Variants in C10orf71 observed in about 807,000 individuals in gnomAD.
C10orf71 encodes chromosome 10 open reading frame 71, also known as cardiac-enriched FHL2-interacting protein.
For synonymous variants in C10orf71, 758 were observed against 726.3 expected (o/e 1.04, Z -0.70); for missense variants, 1,869 against 1,804.5 (o/e 1.04, Z -0.65).
rs1297105486 is a variant in C10orf71 at position 49,325,804 on chromosome 10, G to A, written c.3259G>A (p.Glu1087Lys). ...GTCTTCCCAGGCCCCTGGAGGACCA[G>A]AGCTGCTTCCCGAGGAGCCTAATCA... is the stretch of plus-strand genomic sequence containing the variant. Reference protein sequence around the residue: ...EESSQAPGGPELLPEEPNQAS... With the variant: ...EESSQAPGGPKLLPEEPNQAS... The change falls in exon 3 of 3, where the codon GAG (glutamate) becomes AAG (lysine). Residue 1087 changes from glutamate (E) to lysine (K), a missense_variant. Glu to Lys is a moderately conservative substitution (Grantham distance 56, BLOSUM62 1). Coordinates refer to ENST00000374144, the MANE Select transcript of C10orf71 (RefSeq NM_001135196.2). The A allele has an allele frequency of 2.6e-6, 4 of 1,551,388 alleles. No individual in the cohort carries two copies. The highest frequency in any genetic ancestry group is 1.7e-4 in the Middle Eastern group (1 of 6,014).
intron 1 of C10orf71, among the ~76,000 whole-genome samples, chr10:49,307,874 T>C (rs1472051215): frequency 6.6e-6 from 1 of 152,082 alleles, no homozygotes; most frequent in Non-Finnish European, 1.5e-5. Context: ...GCCATAAGGG[T>C]CCCTCCCTGG....
intron 1 of C10orf71, among the ~76,000 whole-genome samples, chr10:49,307,471 C>G (rs903994482): frequency 6.6e-6 from 1 of 152,256 alleles, no homozygotes; most frequent in Non-Finnish European, 1.5e-5. Context: ...CCATAATGCT[C>G]CACCTCCAGA....
In C10orf71 at chr10:49,326,800, G is replaced by A; in HGVS notation, c.4255G>A (p.Gly1419Ser). The A allele has an allele frequency of 6.5e-7, 1 of 1,549,544 alleles. No individual in the cohort carries two copies. The part of the protein sequence containing the change: ...GEEGVEAPGL[G>S]IISTDDLEDF... ...GGAGGGTGTAGAAGCTCCAGGCCTG[G>A]GCATCATCTCCACTGATGACCTAGA... The change falls in exon 3 of 3, where the codon GGC (glycine) becomes AGC (serine). Residue 1419 changes from glycine to serine, a missense_variant. Physicochemically the swap from Gly to Ser is moderately conservative, Grantham distance 56 (BLOSUM62 0). Transcript: ENST00000374144.
chr10:49,324,694 G>T lies in C10orf71; in HGVS notation c.2149G>T (p.Asp717Tyr). The T allele has an allele frequency of 6.2e-7, 1 of 1,607,136 alleles. No individual in the cohort carries two copies. Among genetic ancestry groups the T allele is most frequent in the South Asian group, 1.1e-5 (1 of 90,054 alleles). ...EDVFYSDSQS[D>Y]FMPSLKGKAK... is the part of the protein sequence containing the mutation. ...TGTGTTTTACAGTGACAGCCAATCC[G>T]ATTTTATGCCAAGCCTCAAAGGTAA... The change falls in exon 3 of 3, where the codon GAT becomes TAT. Residue 717 changes from aspartate (D) to tyrosine (Y), a missense_variant. By Grantham distance (160) the Asp-to-Tyr change is radical. Transcript: ENST00000374144.
intron 2 of C10orf71, among the ~76,000 whole-genome samples, chr10:49,319,317 C>A (rs1299211339): frequency 6.6e-6 from 1 of 151,370 alleles, no homozygotes; most frequent in African/African-American, 2.4e-5. Context: ...TAGCACCATG[C>A]ACCCACCAGG....
At position 49,325,301 on chromosome 10, in the gene C10orf71, C is replaced by CCACTAA; in HGVS notation, c.2760_2765dup (p.Asn921_Thr922dup). The CCACTAA allele has an allele frequency of 6.4e-7, 1 of 1,551,704 alleles. No homozygotes were observed. The highest frequency in any genetic ancestry group is 8.7e-7 in the Non-Finnish European group (1 of 1,147,000). On this transcript the variant is annotated inframe_insertion, in exon 3 of 3. Transcript: ENST00000374144. ...CAGGACATTCTTGGTACATCGACACCCACTAACACACGGGGCACACGTGTG... is the reference window on the plus strand; with the variant it reads ...CAGGACATTCTTGGTACATCGACACCCACTAACACTAACACACGGGGCACACGTGTG...
In C10orf71 at chr10:49,326,673, T is replaced by C; in HGVS notation, c.4128T>C (p.Ser1376=). The part of the protein sequence containing the change: ...RASAARARTQ[S]VHESGLQLDP... Reference sequence around the variant, plus strand: ...CCGCGGCCCGCGCCAGGACCCAGAGTGTCCACGAGTCTGGACTACAGCTGG... The same window carrying C: ...CCGCGGCCCGCGCCAGGACCCAGAGCGTCCACGAGTCTGGACTACAGCTGG... Residue 1376 remains serine (S), a synonymous_variant, in exon 3 of 3, where the codon AGT becomes AGC. Coordinates refer to ENST00000374144, the MANE Select transcript of C10orf71 (RefSeq NM_001135196.2). 2.6e-6 allele frequency: 4 copies of C among 1,550,658 alleles called. No individual in the cohort carries two copies. Among genetic ancestry groups the C allele is most frequent in the Non-Finnish European group, 3.5e-6 (4 of 1,146,938 alleles).
At position 49,323,619 on chromosome 10, in the gene C10orf71, A is replaced by G. The variant is rs1564690548; in HGVS notation, c.1074A>G (p.Val358=). The change falls in exon 3 of 3, where the codon GTA becomes GTG. Residue 358 remains valine (V), a synonymous_variant. Transcript: ENST00000374144. ...GGTGCAGGGATCCAGGAGCCCAGGT[A>G]TTTGCTGTGGAAGGAAAAGCTCCCA... ...PWGCRDPGAQ[V]FAVEGKAPSS... 6.2e-7 allele frequency: 1 copy of G among 1,603,810 alleles called. No individual in the cohort carries two copies. Among genetic ancestry groups the G allele is most frequent in the Non-Finnish European group, 8.5e-7 (1 of 1,176,494 alleles).
Position 49,326,773 on chromosome 10 carries a change from G to A in C10orf71, c.4228G>A (p.Glu1410Lys). Residue 1410 changes from glutamate (E) to lysine (K), a missense_variant, in exon 3 of 3, where the codon GAG (glutamate) becomes AAG (lysine). Physicochemically the swap from Glu to Lys is moderately conservative, Grantham distance 56. Coordinates refer to ENST00000374144, the MANE Select transcript of C10orf71 (RefSeq NM_001135196.2). ...TCATGGTCCTCCCCAGAGCCCAGGA[G>A]AGGAGGGTGTAGAAGCTCCAGGCCT... ...RPHGPPQSPG[E>K]EGVEAPGLGI... 6.4e-7 allele frequency: 1 copy of A among 1,551,040 alleles called. No homozygotes were observed. The highest frequency in any genetic ancestry group is 2.0e-5 in the Admixed American group (1 of 51,006).
intron 1 of C10orf71, among the ~76,000 whole-genome samples, chr10:49,314,849 G>C (rs181576072): frequency 6.6e-6 from 1 of 152,166 alleles, no homozygotes; most frequent in Admixed American, 6.5e-5. Context: ...GCCTCAGTTT[G>C]CCCTCCAGGA....
intron 1 of C10orf71, chr10:49,299,569 G>C (rs772759534): frequency 5.9e-5 from 9 of 152,714 alleles, no homozygotes; most frequent in African/African-American, 1.9e-4. Flanking sequence ...TCGGTGCCAG[G>C]GTGCTGTGCA....
At chr10:49,319,657 G>A (rs1461051042) in intron 2 of C10orf71, among the ~76,000 whole-genome samples, 1 of 94,854 alleles carries the variant, frequency 1.1e-5, no homozygotes, top group Non-Finnish European at 2.3e-5. Flanking sequence ...AAAACGTGGT[G>A]TATATATATG....
At position 49,326,700 on chromosome 10, in the gene C10orf71, C is replaced by T. The variant is rs1392393905; in HGVS notation, c.4155C>T (p.Asp1385=). 1.0e-5 allele frequency: 16 copies of T among 1,551,160 alleles called. No individual in the cohort carries two copies. The highest frequency in any genetic ancestry group is 1.3e-5 in the Non-Finnish European group (15 of 1,146,982). The stretch of plus-strand genomic sequence containing the variant: ...TCCACGAGTCTGGACTACAGCTGGA[C>T]CCAGGGCCTCACGGTGACTGCACCC... The part of the protein sequence containing the change: ...QSVHESGLQL[D]PGPHGDCTPH... The change falls in exon 3 of 3, where the codon GAC becomes GAT. Residue 1385 remains aspartate (D), a synonymous_variant. Coordinates refer to ENST00000374144, the MANE Select transcript of C10orf71 (RefSeq NM_001135196.2).
intron 1 of C10orf71, among the ~76,000 whole-genome samples, chr10:49,312,777 T>C (rs1407633372): frequency 6.6e-6 from 1 of 152,244 alleles, no homozygotes; most frequent in Non-Finnish European, 1.5e-5. Context: ...GTCCACCTGC[T>C]TCCATCTCTT....
In C10orf71 at chr10:49,323,193, C is replaced by G; in HGVS notation, c.648C>G (p.His216Gln). Residue 216 changes from histidine (H) to glutamine (Q), a missense_variant, in exon 3 of 3, where the codon CAC becomes CAG. Transcript: ENST00000374144. ...HQNSYQPGRKHGEQESSKNPE... is the reference protein window; with the variant it reads ...HQNSYQPGRKQGEQESSKNPE... ...ACAGCTACCAGCCAGGCAGGAAGCA[C>G]GGAGAACAGGAGTCCTCCAAGAATC... 6.2e-7 allele frequency: 1 copy of G among 1,613,980 alleles called. No individual in the cohort carries two copies. The highest frequency in any genetic ancestry group is 8.5e-7 in the Non-Finnish European group (1 of 1,179,888).
chr10:49,323,004 C>G lies in C10orf71; in HGVS notation c.459C>G (p.Thr153=), dbSNP rs373090262. 2 of 1,613,872 alleles carry G rather than the reference C, an allele frequency of 1.2e-6. No homozygotes were observed. Among genetic ancestry groups the G allele is most frequent in the Non-Finnish European group, 1.7e-6 (2 of 1,179,896 alleles). ...VSTLIKSFDR[T]ESQRCESRPT... is the part of the protein sequence containing the mutation. ...CACTAATTAAATCTTTCGACAGGACCGAGAGCCAACGTTGTGAGAGCAGGC... is the reference window on the plus strand; with the variant it reads ...CACTAATTAAATCTTTCGACAGGACGGAGAGCCAACGTTGTGAGAGCAGGC... Residue 153 remains threonine (T), a synonymous_variant, in exon 3 of 3, where the codon ACC becomes ACG. Coordinates refer to ENST00000374144, the MANE Select transcript of C10orf71 (RefSeq NM_001135196.2).
intron 1 of C10orf71, among the ~76,000 whole-genome samples, chr10:49,315,700 G>T (rs780690773): frequency 2.6e-5 from 4 of 152,192 alleles, no homozygotes; most frequent in Non-Finnish European, 5.9e-5. Flanking sequence ...ACTTTGTTGA[G>T]CTCAAGTATG....
intron 2 of C10orf71, among the ~76,000 whole-genome samples, chr10:49,317,402 A>G (rs1452883256): frequency 6.6e-6 from 1 of 152,174 alleles, no homozygotes; most frequent in East Asian, 1.9e-4. Context: ...TGAATTCAAT[A>G]TTATGGTTGA....
chr10:49,300,927 G>A (rs985658007), intron 1 of C10orf71, among the ~76,000 whole-genome samples: 3 of 152,196 alleles, frequency 2.0e-5, no homozygotes, highest in Non-Finnish European at 2.9e-5. Context: ...AAGCTGTTGA[G>A]AGTAGACAGG....
Sources: gnomAD v4.1 joint callset for allele counts (sites outside exome capture counted in the v4.1 genomes callset) on GRCh38, gnomAD v4.1.1 for gene constraint, MANE v1.5 for transcripts, NCBI Gene and HGNC (gene_info 2026-07-23, HGNC 2026-07-21) for gene names.